The following UTF1 variants were observed in gnomAD, a reference collection of about 807,000 sequenced individuals.
UTF1 encodes undifferentiated embryonic cell transcription factor 1.
In UTF1, 8 loss-of-function variants were observed where a neutral mutation model predicts 11.8. The observed-to-expected ratio is 0.68, with a 90% CI of 0.40 to 1.23. The LOEUF (loss-of-function observed/expected upper bound fraction) is 1.23, where lower values mean the gene tolerates loss of function less well. Among genes scored for constraint, UTF1 ranks in the 50% most tolerant of loss-of-function variants. UTF1 has a pLI of 0.01. For missense variants in UTF1, 545 were observed against 542.1 expected, an observed-to-expected ratio of 1.01 and a Z score of -0.05; for synonymous variants, 344 against 271.7, an observed-to-expected ratio of 1.27 and a Z score of -2.62.
In UTF1 at chr10:133,230,324, GC is replaced by G; in HGVS notation, c.42del (p.Ala15ArgfsTer261). ...LRPRRPPPLA[P>X]PAPPSPASPD... ...GGCCCCGCAGGCCGCCCCCGCTCGC[GC>G]CCCCCGCGCCGCCCTCGCCCGCCAG... On this transcript the variant is annotated frameshift_variant, in exon 1 of 2. Coordinates refer to ENST00000304477, the MANE Select transcript of UTF1 (RefSeq NM_003577.3). LOFTEE classifies it high-confidence loss of function. The G allele has an allele frequency of 9.0e-7, 1 of 1,105,066 alleles. No homozygotes were observed. The highest frequency in any genetic ancestry group is 1.1e-6 in the Non-Finnish European group (1 of 908,814). The allele number at this position is 1,105,066 out of a possible 1,614,324, so 68.5% of individuals were successfully genotyped here.
Position 133,231,284 on chromosome 10 carries a change from G to C in UTF1, c.868G>C (p.Ala290Pro), listed in dbSNP as rs771342843. The C allele has an allele frequency of 6.3e-7, 1 of 1,593,162 alleles. No homozygotes were observed. Among genetic ancestry groups the C allele is most frequent in the Non-Finnish European group, 8.5e-7 (1 of 1,173,716 alleles). ...LQTLGHLGDI[A>P]NILGPLRDQL... Reference sequence around the variant, plus strand: ...GACCCTGGGGCACCTGGGCGACATCGCGAACATCCTGGGCCCGCTGCGCGA... The same window carrying C: ...GACCCTGGGGCACCTGGGCGACATCCCGAACATCCTGGGCCCGCTGCGCGA... The change falls in exon 2 of 2, where the codon GCG becomes CCG. Residue 290 changes from alanine (A) to proline (P), a missense_variant. Ala to Pro is a conservative substitution (Grantham distance 27). Transcript: ENST00000304477.
Position 133,230,453 on chromosome 10 carries a change from G to A in UTF1, c.165G>A (p.Pro55=). 2 of 1,404,866 alleles carry A rather than the reference G, an allele frequency of 1.4e-6. No homozygotes were observed. Among genetic ancestry groups the A allele is most frequent in the Non-Finnish European group, 9.3e-7 (1 of 1,078,338 alleles). The allele number at this position is 1,404,866 out of a possible 1,614,324, so 87.0% of individuals were successfully genotyped here. ...ALGELGLPVS[P]GSAQRTPWSA... ...GGGAACTCGGGTTGCCGGTGTCCCC[G>A]GGCTCGGCGCAGCGCACGCCCTGGA... The change falls in exon 1 of 2, where the codon CCG becomes CCA. Residue 55 remains proline (P), a synonymous_variant. Coordinates refer to ENST00000304477, the MANE Select transcript of UTF1 (RefSeq NM_003577.3).
intron 1 of UTF1, 25 bp downstream of exon 1, chr10:133,230,863 G>A: frequency 7.7e-7 from 1 of 1,291,040 alleles, no homozygotes; most frequent in Non-Finnish European, 9.7e-7. Flanking sequence ...GGGGGGCCAG[G>A]TGGGGCCGAG....
rs758066126 is a variant in UTF1, at chr10:133,231,089, G to A, written c.673G>A (p.Ala225Thr). The A allele has an allele frequency of 8.1e-3, 6,873 of 848,374 alleles. 19 individuals carry two copies. The highest frequency in any genetic ancestry group is 9.4e-3 in the Non-Finnish European group (6,406 of 682,064). 52.6% of individuals were successfully genotyped at this position (848,374 alleles called of 1,614,324 possible). A position where few individuals can be genotyped will look rare whatever the true frequency, so the allele number is the denominator to read the frequency against. ...SPAPGSPPAPAPTALATCIPE... is the reference protein window; with the variant it reads ...SPAPGSPPAPTPTALATCIPE... ...CGCCCCCGGCTCCCCGCCAGCTCCC[G>A]CCCCGACCGCCCTCGCCACCTGCAT... Residue 225 changes from alanine (A) to threonine (T), a missense_variant, in exon 2 of 2, where the codon GCC becomes ACC. This residue lies in a region of UTF1 where 394 missense variants were observed against 341.5 expected (regional missense o/e 1.15). Transcript: ENST00000304477.
Position 133,231,366 on chromosome 10 carries a change from C to T in UTF1, c.950C>T (p.Thr317Ile). ...VEQLRGAFDQ[T>I]VSLAVGFILG... is the part of the protein sequence containing the mutation. ...CAGCTGCGCGGCGCCTTCGACCAGACAGTGTCCCTGGCCGTGGGCTTCATT... is the reference window on the plus strand; with the variant it reads ...CAGCTGCGCGGCGCCTTCGACCAGATAGTGTCCCTGGCCGTGGGCTTCATT... Residue 317 changes from threonine to isoleucine, a missense_variant, in exon 2 of 2, where the codon ACA becomes ATA. Coordinates refer to ENST00000304477, the MANE Select transcript of UTF1 (RefSeq NM_003577.3). 1 of 1,596,098 alleles carries T rather than the reference C, an allele frequency of 6.3e-7. No homozygotes were observed. The highest frequency in any genetic ancestry group is 8.5e-7 in the Non-Finnish European group (1 of 1,175,782).
chr10:133,231,298 C>G lies in UTF1; in HGVS notation c.882C>G (p.Gly294=). 6.3e-7 allele frequency: 1 copy of G among 1,595,962 alleles called. No homozygotes were observed. The highest frequency in any genetic ancestry group is 8.5e-7 in the Non-Finnish European group (1 of 1,174,876). The change falls in exon 2 of 2, where the codon GGC becomes GGG. Residue 294 remains glycine (G), a synonymous_variant. Coordinates refer to ENST00000304477, the MANE Select transcript of UTF1 (RefSeq NM_003577.3). ...GHLGDIANIL[G]PLRDQLLTLN... The stretch of plus-strand genomic sequence containing the variant: ...TGGGCGACATCGCGAACATCCTGGG[C>G]CCGCTGCGCGACCAGCTGCTGACCT...
In UTF1 at chr10:133,230,668, A is replaced by T; in HGVS notation, c.380A>T (p.Glu127Val). 6.7e-7 allele frequency: 1 copy of T among 1,489,758 alleles called. No individual in the cohort carries two copies. The highest frequency in any genetic ancestry group is 8.9e-7 in the Non-Finnish European group (1 of 1,128,330). The allele number at this position is 1,489,758 out of a possible 1,614,324, so 92.3% of individuals were successfully genotyped here. A position where few individuals can be genotyped will look rare whatever the true frequency, so the allele number is the denominator to read the frequency against. The change falls in exon 1 of 2, where the codon GAG (glutamate) becomes GTG (valine). Residue 127 changes from glutamate (E) to valine (V), a missense_variant. Glu to Val is a moderately radical substitution (Grantham distance 121). Coordinates refer to ENST00000304477, the MANE Select transcript of UTF1 (RefSeq NM_003577.3). ...AAGTTCCTTAAAGACAAGTTTCGCG[A>T]GGCGCACGGCCAGCCGCCCGGGCCC... ...RYKFLKDKFR[E>V]AHGQPPGPFD... is the part of the protein sequence containing the mutation.
chr10:133,231,061 C>T lies in UTF1; in HGVS notation c.645C>T (p.Ser215=), dbSNP rs752352446. The T allele has an allele frequency of 2.3e-6, 3 of 1,305,236 alleles. No homozygotes were observed. Among genetic ancestry groups the T allele is most frequent in the African/African-American group, 1.6e-5 (1 of 64,488 alleles). The allele number at this position is 1,305,236 out of a possible 1,614,324, so 80.9% of individuals were successfully genotyped here. A position where few individuals can be genotyped will look rare whatever the true frequency, so the allele number is the denominator to read the frequency against. ...SPSPPKSADA[S]PAPGSPPAPA... is the part of the protein sequence containing the mutation. ...CCCCACCGAAGTCTGCGGACGCCTC[C>T]CCCGCCCCCGGCTCCCCGCCAGCTC... Residue 215 remains serine (S), a synonymous_variant, in exon 2 of 2, where the codon TCC becomes TCT. Transcript: ENST00000304477.
At position 133,230,327 on chromosome 10, in the gene UTF1, C is replaced by T. The variant is rs1011022187; in HGVS notation, c.39C>T (p.Pro13=). The change falls in exon 1 of 2, where the codon CCC becomes CCT. Residue 13 remains proline, a synonymous_variant. Coordinates refer to ENST00000304477, the MANE Select transcript of UTF1 (RefSeq NM_003577.3). ...LRPRRPPPLA[P]PAPPSPASPD... ...CCCGCAGGCCGCCCCCGCTCGCGCCCCCCGCGCCGCCCTCGCCCGCCAGCC... is the reference window on the plus strand; with the variant it reads ...CCCGCAGGCCGCCCCCGCTCGCGCCTCCCGCGCCGCCCTCGCCCGCCAGCC... 1.5e-5 allele frequency: 17 copies of T among 1,113,852 alleles called. No homozygotes were observed. The highest frequency in any genetic ancestry group is 7.8e-4 in the Middle Eastern group (2 of 2,572). 69.0% of individuals were successfully genotyped at this position (1,113,852 alleles called of 1,614,324 possible). A position where few individuals can be genotyped will look rare whatever the true frequency, so the allele number is the denominator to read the frequency against.
At position 133,231,465 on chromosome 10, in the gene UTF1, CCT is replaced by C; in HGVS notation, c.*27_*28del. The C allele has an allele frequency of 7.0e-7, 1 of 1,423,066 alleles. No individual in the cohort carries two copies. Among genetic ancestry groups the C allele is most frequent in the Middle Eastern group, 2.4e-4 (1 of 4,226 alleles). 88.2% of individuals were successfully genotyped at this position (1,423,066 alleles called of 1,614,324 possible). ...TGAGTCCCGGCTGCGGCCAGTCTCC[CCT>C]CTCCAGGCCGAGGCCCCTCCGCCCT... On this transcript the variant is annotated 3_prime_UTR_variant, in exon 2 of 2. Transcript: ENST00000304477.
At position 133,230,540 on chromosome 10, in the gene UTF1, G is replaced by A. The variant is rs1292442353; in HGVS notation, c.252G>A (p.Leu84=). ...TLLQPAVWRA[L]LLDRRQALPT... is the part of the protein sequence containing the mutation. ...TGCAACCGGCCGTGTGGCGCGCGCT[G>A]CTCCTGGACCGCCGCCAGGCCCTGC... The change falls in exon 1 of 2, where the codon CTG becomes CTA. Residue 84 remains leucine, a synonymous_variant. Coordinates refer to ENST00000304477, the MANE Select transcript of UTF1 (RefSeq NM_003577.3). 2.8e-6 allele frequency: 4 copies of A among 1,434,338 alleles called. No individual in the cohort carries two copies. The highest frequency in any genetic ancestry group is 2.6e-5 in the Admixed American group (1 of 37,972). The allele number at this position is 1,434,338 out of a possible 1,614,324, so 88.9% of individuals were successfully genotyped here.
Position 133,230,779 on chromosome 10 carries a change from G to C in UTF1, c.491G>C (p.Arg164Pro). ...CGCCGCCGCTCCCCGGGGTCCGGGC[G>C]CCCCCAGCGCGCCCGCCGCCCGGTC... ...RPRRRSPGSG[R>P]PQRARRPVPN... Residue 164 changes from arginine (R) to proline (P), a missense_variant, in exon 1 of 2, where the codon CGC becomes CCC. Coordinates refer to ENST00000304477, the MANE Select transcript of UTF1 (RefSeq NM_003577.3). 2 of 1,341,888 alleles carry C rather than the reference G, an allele frequency of 1.5e-6. No homozygotes were observed. Among genetic ancestry groups the C allele is most frequent in the Non-Finnish European group, 1.9e-6 (2 of 1,054,590 alleles). The allele number at this position is 1,341,888 out of a possible 1,614,324, so 83.1% of individuals were successfully genotyped here.
chr10:133,230,460 G>A lies in UTF1; in HGVS notation c.172G>A (p.Ala58Thr). The A allele has an allele frequency of 7.0e-7, 1 of 1,418,468 alleles. No individual in the cohort carries two copies. The highest frequency in any genetic ancestry group is 3.2e-5 in the East Asian group (1 of 31,250). The allele number at this position is 1,418,468 out of a possible 1,614,324, so 87.9% of individuals were successfully genotyped here. A position where few individuals can be genotyped will look rare whatever the true frequency, so the allele number is the denominator to read the frequency against. The change falls in exon 1 of 2, where the codon GCG (alanine) becomes ACG (threonine). Residue 58 changes from alanine (A) to threonine (T), a missense_variant. This residue lies in a region of UTF1 where 129 missense variants were observed against 148.5 expected (regional missense o/e 0.87). Transcript: ENST00000304477. Reference sequence around the variant, plus strand: ...CGGGTTGCCGGTGTCCCCGGGCTCGGCGCAGCGCACGCCCTGGAGCGCCCG... The same window carrying A: ...CGGGTTGCCGGTGTCCCCGGGCTCGACGCAGCGCACGCCCTGGAGCGCCCG... ...ELGLPVSPGS[A>T]QRTPWSARET... is the part of the protein sequence containing the mutation.
At position 133,231,361 on chromosome 10, in the gene UTF1, CCAGA is replaced by C; in HGVS notation, c.949_952del (p.Thr317CysfsTer42). On this transcript the variant is annotated frameshift_variant, in exon 2 of 2. Transcript: ENST00000304477. LOFTEE classifies it high-confidence loss of function. ...TGGAGCAGCTGCGCGGCGCCTTCGA[CCAGA>C]CAGTGTCCCTGGCCGTGGGCTTCAT... 6.3e-7 allele frequency: 1 copy of C among 1,596,890 alleles called. No homozygotes were observed. The highest frequency in any genetic ancestry group is 8.5e-7 in the Non-Finnish European group (1 of 1,176,132).
At position 133,230,747 on chromosome 10, in the gene UTF1, A is replaced by G; in HGVS notation, c.459A>G (p.Lys153=). The G allele has an allele frequency of 7.1e-7, 1 of 1,411,198 alleles. No individual in the cohort carries two copies. The highest frequency in any genetic ancestry group is 9.2e-7 in the Non-Finnish European group (1 of 1,083,588). The allele number at this position is 1,411,198 out of a possible 1,614,324, so 87.4% of individuals were successfully genotyped here. A position where few individuals can be genotyped will look rare whatever the true frequency, so the allele number is the denominator to read the frequency against. ...LMGLLGDNGR[K]RPRRRSPGSG... The stretch of plus-strand genomic sequence containing the variant: ...GGCTGCTGGGCGACAACGGGCGCAA[A>G]CGGCCTCGCCGCCGCTCCCCGGGGT... The change falls in exon 1 of 2, where the codon AAA becomes AAG. Residue 153 remains lysine, a synonymous_variant. Coordinates refer to ENST00000304477, the MANE Select transcript of UTF1 (RefSeq NM_003577.3).
In UTF1 at chr10:133,231,148, G is replaced by A; in HGVS notation, c.732G>A (p.Gly244=). 2.4e-6 allele frequency: 3 copies of A among 1,236,420 alleles called. No homozygotes were observed. The highest frequency in any genetic ancestry group is 3.0e-6 in the Non-Finnish European group (3 of 994,630). 76.6% of individuals were successfully genotyped at this position (1,236,420 alleles called of 1,614,324 possible). A position where few individuals can be genotyped will look rare whatever the true frequency, so the allele number is the denominator to read the frequency against. The change falls in exon 2 of 2, where the codon GGG becomes GGA. Residue 244 remains glycine, a synonymous_variant. Coordinates refer to ENST00000304477, the MANE Select transcript of UTF1 (RefSeq NM_003577.3). ...ACCGCGCGCCCGTCCGCGGCCCCGGGTCCCCGCCGCCACCCCCGGCCCGCG... is the reference window on the plus strand; with the variant it reads ...ACCGCGCGCCCGTCCGCGGCCCCGGATCCCCGCCGCCACCCCCGGCCCGCG... ...PEDRAPVRGP[G]SPPPPPARED... is the part of the protein sequence containing the mutation.
chr10:133,230,659 A>G lies in UTF1; in HGVS notation c.371A>G (p.Lys124Arg), dbSNP rs1220599089. ...CRRRYKFLKD[K>R]FREAHGQPPG... ...CGCCGCTACAAGTTCCTTAAAGACAAGTTTCGCGAGGCGCACGGCCAGCCG... is the reference window on the plus strand; with the variant it reads ...CGCCGCTACAAGTTCCTTAAAGACAGGTTTCGCGAGGCGCACGGCCAGCCG... The change falls in exon 1 of 2, where the codon AAG (lysine) becomes AGG (arginine). Residue 124 changes from lysine (K) to arginine (R), a missense_variant. Physicochemically the swap from Lys to Arg is conservative, Grantham distance 26. Around this residue, in one of 3 missense-constraint regions of UTF1, gnomAD observed 22 missense variants for 52.1 expected, o/e 0.42. Coordinates refer to ENST00000304477, the MANE Select transcript of UTF1 (RefSeq NM_003577.3). 11 of 1,487,782 alleles carry G rather than the reference A, an allele frequency of 7.4e-6. No homozygotes were observed. The highest frequency in any genetic ancestry group is 8.9e-6 in the Non-Finnish European group (10 of 1,127,264). 92.2% of individuals were successfully genotyped at this position (1,487,782 alleles called of 1,614,324 possible).
Position 133,230,698 on chromosome 10 carries a change from A to T in UTF1, c.410A>T (p.Asp137Val). 6.7e-7 allele frequency: 1 copy of T among 1,483,626 alleles called. No individual in the cohort carries two copies. Among genetic ancestry groups the T allele is most frequent in the Non-Finnish European group, 8.9e-7 (1 of 1,124,502 alleles). 91.9% of individuals were successfully genotyped at this position (1,483,626 alleles called of 1,614,324 possible). A position where few individuals can be genotyped will look rare whatever the true frequency, so the allele number is the denominator to read the frequency against. ...EAHGQPPGPF[D>V]EQIRKLMGLL... ...CACGGCCAGCCGCCCGGGCCCTTCG[A>T]CGAGCAGATCCGGAAGCTCATGGGG... The change falls in exon 1 of 2, where the codon GAC becomes GTC. Residue 137 changes from aspartate to valine, a missense_variant. Asp to Val is a radical substitution (Grantham distance 152, BLOSUM62 -3). Transcript: ENST00000304477.
rs941002110 is a variant in UTF1, at chr10:133,230,247, T to C, written c.-42T>C. The C allele has an allele frequency of 2.9e-6, 3 of 1,034,210 alleles. No individual in the cohort carries two copies. In the African/African-American group the frequency reaches 5.2e-5, roughly 18 times the overall value. 64.1% of individuals were successfully genotyped at this position (1,034,210 alleles called of 1,614,324 possible). ...GCGTGTGGGCGGCCCGGGCGGCGTC[T>C]GGCCCTCTCCCCATCCTCGCGCGCC... is the stretch of plus-strand genomic sequence containing the variant. On this transcript the variant is annotated 5_prime_UTR_variant, in exon 1 of 2. Transcript: ENST00000304477.
Sources: allele counts gnomAD v4.1 joint callset, GRCh38; gene constraint gnomAD v4.1.1; regional missense constraint gnomAD v4.1.1; transcripts MANE v1.5; gene names NCBI Gene and HGNC (gene_info 2026-07-23, HGNC 2026-07-21).